Variants in KCND3 observed in about 807,000 individuals in gnomAD.
KCND3 encodes the protein A-type voltage-gated potassium channel KCND3.
In KCND3, 9 loss-of-function variants were observed where a neutral mutation model predicts 51.1. The ratio of observed to expected loss-of-function variants is 0.18; its 90% CI spans 0.11 to 0.31. The LOEUF (loss-of-function observed/expected upper bound fraction) is 0.31. KCND3 is among the 10% of genes least tolerant of loss of function. The pLI, the probability that KCND3 is intolerant of heterozygous loss-of-function variation, is 1.00. For synonymous variants in KCND3, 349 were observed against 368.0 expected, an observed-to-expected ratio of 0.95 and a Z score of 0.59; for missense variants, 526 against 903.8, an observed-to-expected ratio of 0.58 and a Z score of 5.36.
intron 2 of KCND3, among the ~76,000 whole-genome samples, chr1:111,950,120 A>G (rs1225763399): frequency 1.3e-5 from 2 of 152,184 alleles, no homozygotes; most frequent in Non-Finnish European, 2.9e-5. Context: ...CACGTTGGCC[A>G]GGCTGGTCTC....
Position 111,849,811 on chromosome 1 carries a change from C to T in KCND3, c.1107-62705G>A, listed in dbSNP as rs984678620. Among the ~76,000 whole-genome samples, 113 of 152,294 alleles carry T rather than the reference C, an allele frequency of 7.4e-4. 1 individual carries two copies. The highest frequency in any genetic ancestry group is 2.6e-3 in the African/African-American group (109 of 41,546). ...AAAACTCCGTGGCCCTGTCCCCTGC[C>T]GGCACTGATTTCCTCTGTGGCTTGG... On this transcript the variant is annotated intron_variant, in intron 2 of 7. Transcript: ENST00000302127.
intron 2 of KCND3, among the ~76,000 whole-genome samples, chr1:111,977,971 G>A (rs1413686544): frequency 6.6e-6 from 1 of 152,124 alleles, no homozygotes; most frequent in Non-Finnish European, 1.5e-5. Flanking sequence ...TGGAGCATTT[G>A]GGAACTCAGC....
chr1:111,857,685 G>T (rs115770922), intron 2 of KCND3, among the ~76,000 whole-genome samples: 2 of 151,436 alleles, frequency 1.3e-5, no homozygotes, highest in African/African-American at 4.9e-5. Context: ...CCCCTTTCTC[G>T]GTGGAAGGTC....
intron 2 of KCND3, among the ~76,000 whole-genome samples, chr1:111,845,478 C>T (rs1667503227): frequency 6.6e-6 from 1 of 152,164 alleles, no homozygotes; most frequent in Non-Finnish European, 1.5e-5. Context: ...CTTCTGACAC[C>T]TCAAATGCAG....
At position 111,855,539 on chromosome 1, in the gene KCND3, C is replaced by T. The variant is rs937856099; in HGVS notation, c.1107-68433G>A. ...TGAGAAGGCTGTGGAGGGGATCTTC[C>T]GATAGCAAGGAGGCTGCTGGATCTC... On this transcript the variant is annotated intron_variant, in intron 2 of 7. Coordinates refer to ENST00000302127, the MANE Select transcript of KCND3 (RefSeq NM_001378969.1). Among the ~76,000 whole-genome samples, 218 of 152,270 alleles carry T rather than the reference C, an allele frequency of 1.4e-3. 6 individuals carry two copies. Among genetic ancestry groups the T allele is most frequent in the South Asian group, 4.2e-4 (2 of 4,816 alleles).
At chr1:111,800,122 T>C (rs1228307175) in intron 2 of KCND3, among the ~76,000 whole-genome samples, 2 of 145,964 alleles carry the variant, frequency 1.4e-5, no homozygotes, top group African/African-American at 5.1e-5. Flanking sequence ...GGGGAAAAGA[T>C]TGAGAAATCG....
chr1:111,982,166 G>A lies in KCND3; in HGVS notation c.561C>T (p.Tyr187=), dbSNP rs764474190. ...AGACAGCGATGAAGAAGCCAGTCAC[G>A]TAGTAGAAGACCAGGGCCAGCGTGC... ...HTSTLALVFY[Y]VTGFFIAVSV... Residue 187 remains tyrosine (Y), a synonymous_variant, in exon 2 of 8, where the codon TAC becomes TAT. Coordinates refer to ENST00000302127, the MANE Select transcript of KCND3 (RefSeq NM_001378969.1). The surrounding 1 kb of genome is among the most constrained non-coding windows in gnomAD (Gnocchi z 8.5). 11 of 1,613,944 alleles carry A rather than the reference G, an allele frequency of 6.8e-6. No individual in the cohort carries two copies. The highest frequency in any genetic ancestry group is 1.3e-5 in the African/African-American group (1 of 74,926).
chr1:111,783,013 G>C (rs1480302184), intron 3 of KCND3, among the ~76,000 whole-genome samples: 1 of 152,136 alleles, frequency 6.6e-6, no homozygotes. Flanking sequence ...AGGTGCTCAA[G>C]CAAAGTTTAT....
chr1:111,849,281 C>T (rs1667702449), intron 2 of KCND3, among the ~76,000 whole-genome samples: 1 of 152,368 alleles, frequency 6.6e-6, no homozygotes, highest in East Asian at 1.9e-4. Flanking sequence ...AAGACAGAGG[C>T]TGTGACCTGG....
At chr1:111,939,632 G>A (rs1461369305) in intron 2 of KCND3, among the ~76,000 whole-genome samples, 1 of 152,168 alleles carries the variant, frequency 6.6e-6, no homozygotes, top group Admixed American at 6.5e-5. Context: ...TCATTGATGG[G>A]CATTTGGGTT....
At chr1:111,892,750 T>C (rs540789590) in intron 2 of KCND3, among the ~76,000 whole-genome samples, 2 of 152,372 alleles carry the variant, frequency 1.3e-5, no homozygotes, top group Middle Eastern at 6.8e-3. Flanking sequence ...GTTAATTGAT[T>C]GATTAATTAA....
chr1:111,872,445 T>G (rs1364382902), intron 2 of KCND3, among the ~76,000 whole-genome samples: 1 of 152,244 alleles, frequency 6.6e-6, no homozygotes, highest in Non-Finnish European at 1.5e-5. Flanking sequence ...CTGTGAACCT[T>G]TTTATCATTA....
intron 3 of KCND3, among the ~76,000 whole-genome samples, chr1:111,783,357 C>A (rs968094955): frequency 6.6e-6 from 1 of 152,174 alleles, no homozygotes; most frequent in Admixed American, 6.5e-5. Flanking sequence ...CACCATCAGA[C>A]AAGTTTCAAA....
chr1:111,942,409 TC>T (rs1176886008), intron 2 of KCND3, among the ~76,000 whole-genome samples: 1 of 152,188 alleles, frequency 6.6e-6, no homozygotes, highest in African/African-American at 2.4e-5. Context: ...GTGCCATAGT[TC>T]CTGCCCATGT....
rs1033823414 is a variant in KCND3, at chr1:111,773,921, C to G, written c.*2156G>C. The G allele has an allele frequency of 6.6e-6, 1 of 152,022 alleles. No individual in the cohort carries two copies. Among genetic ancestry groups the G allele is most frequent in the Admixed American group, 6.5e-5 (1 of 15,280 alleles). 9.4% of individuals were successfully genotyped at this position (152,022 alleles called of 1,614,324 possible). On this transcript the variant is annotated 3_prime_UTR_variant, in exon 8 of 8. Transcript: ENST00000302127. ...AAGTGAATTGATTTAAGTATGTATT[C>G]TCTGATGTGTTTAGGTTGGTTGTGT...
At chr1:111,933,156 CT>C (rs1293013991) in intron 2 of KCND3, among the ~76,000 whole-genome samples, 4 of 152,328 alleles carry the variant, frequency 2.6e-5, no homozygotes, top group Admixed American at 2.6e-4. Flanking sequence ...CACTCATTCT[CT>C]TTCCTGCCAC....
At chr1:111,859,711 C>T (rs1184619523) in intron 2 of KCND3, among the ~76,000 whole-genome samples, 1 of 152,214 alleles carries the variant, frequency 6.6e-6, no homozygotes. Flanking sequence ...ATGATCCTCC[C>T]TCCACATGCC....
At chr1:111,870,721 G>A (rs1321663725) in intron 2 of KCND3, among the ~76,000 whole-genome samples, 1 of 151,598 alleles carries the variant, frequency 6.6e-6, no homozygotes, top group Non-Finnish European at 1.5e-5. Context: ...CTCAGTGAAA[G>A]AAAAAAAAGA....
intron 2 of KCND3, among the ~76,000 whole-genome samples, chr1:111,953,417 A>G (rs952526637): frequency 7.2e-5 from 11 of 152,230 alleles, no homozygotes; most frequent in Admixed American, 4.6e-4. Flanking sequence ...ACAGAAAACC[A>G]GTGTTGATTC....
Sources: gnomAD v4.1 joint callset for allele counts (sites outside exome capture counted in the v4.1 genomes callset) on GRCh38, gnomAD v4.1.1 for gene constraint, Gnocchi (gnomAD v3.1) non-coding constraint, MANE v1.5 for transcripts, NCBI Gene and HGNC (gene_info 2026-07-23, HGNC 2026-07-21) for gene names.